Variants in KCNMA1 observed in about 807,000 individuals in gnomAD.
The protein encoded by KCNMA1 is Calcium-activated potassium channel subunit alpha-1.
Under a neutral mutation model 140.0 loss-of-function variants are expected in KCNMA1, and 29 were observed. The observed-to-expected ratio is 0.21, with a 90% confidence interval of 0.15 to 0.28. KCNMA1 has a LOEUF of 0.28. KCNMA1 is among the 10% of genes least tolerant of loss of function. KCNMA1 has a pLI of 1.00. For missense variants in KCNMA1, 880 were observed against 1,602.2 expected, an observed-to-expected ratio of 0.55 and a Z score of 7.70; for synonymous variants, 612 against 611.9, an observed-to-expected ratio of 1.00 and a Z score of 0.00.
chr10:77,496,140 A>T (rs1033605385), intron 1 of KCNMA1, among the ~76,000 whole-genome samples: 3 of 152,068 alleles, frequency 2.0e-5, no homozygotes, highest in African/African-American at 7.2e-5. Context: ...CCACCTGACC[A>T]TACAGCCTGG....
chr10:76,919,047 T>C (rs2054227109), intron 23 of KCNMA1, among the ~76,000 whole-genome samples: 1 of 152,136 alleles, frequency 6.6e-6, no homozygotes. Context: ...CTAAGTGATG[T>C]AACTCAGGAA....
At chr10:77,000,968 C>CT (rs2086222475) in intron 19 of KCNMA1, among the ~76,000 whole-genome samples, 1 of 147,036 alleles carries the variant, frequency 6.8e-6, no homozygotes. Flanking sequence ...TCACTAAAAG[C>CT]AATTCAATGC....
intron 1 of KCNMA1, among the ~76,000 whole-genome samples, chr10:77,575,899 C>T (rs1407491577): frequency 6.6e-6 from 1 of 152,208 alleles, no homozygotes; most frequent in Non-Finnish European, 1.5e-5. Context: ...GGGGGTTGGG[C>T]CTCTGAATTT....
At chr10:77,504,988 C>A (rs1013729768) in intron 1 of KCNMA1, among the ~76,000 whole-genome samples, 1 of 152,140 alleles carries the variant, frequency 6.6e-6, no homozygotes, top group Admixed American at 6.6e-5. Flanking sequence ...ATCCAGGAGA[C>A]TCGGGTCTCC....
intron 1 of KCNMA1, chr10:77,636,424 G>T (rs905842549): frequency 6.5e-7 from 1 of 1,536,056 alleles, no homozygotes; most frequent in Non-Finnish European, 8.7e-7. Context: ...GAGCGCCAGG[G>T]AAGACGCTCC....
At chr10:77,623,514 G>A (rs2091902290) in intron 1 of KCNMA1, among the ~76,000 whole-genome samples, 1 of 151,708 alleles carries the variant, frequency 6.6e-6, no homozygotes, top group African/African-American at 2.4e-5. Context: ...TGGCCAACAC[G>A]GTAAAACCCC....
At chr10:77,015,313 C>CCT (rs1462656452) in intron 17 of KCNMA1, among the ~76,000 whole-genome samples, 1 of 152,076 alleles carries the variant, frequency 6.6e-6, no homozygotes, top group Non-Finnish European at 1.5e-5. Context: ...CACACGACAG[C>CCT]CTCTCTCTCC....
chr10:77,088,836 C>T lies in KCNMA1; in HGVS notation c.1334+1564G>A, dbSNP rs543197897. ...AAGTCATACCTCATTCAGAAGCCTGCCCGGGTAATACCATAGACTGATGCT... is the reference window on the plus strand; with the variant it reads ...AAGTCATACCTCATTCAGAAGCCTGTCCGGGTAATACCATAGACTGATGCT... On this transcript the variant is annotated intron_variant, in intron 10 of 27. Transcript: ENST00000286628. Among the ~76,000 whole-genome samples, 8 of 152,318 alleles carry T rather than the reference C, an allele frequency of 5.3e-5. No homozygotes were observed. In the South Asian group the frequency reaches 1.7e-3, roughly 32 times the overall value.
Position 77,486,739 on chromosome 10 carries a change from C to T in KCNMA1, c.379-82716G>A, listed in dbSNP as rs181877382. On this transcript the variant is annotated intron_variant, in intron 1 of 27. Transcript: ENST00000286628. ...AGAGAAAGTCACAGGGAAGCCAGCC[C>T]TGGCCCCGGGCAAAGCCCAAGGGTT... Among the ~76,000 whole-genome samples the T allele has an allele frequency of 2.0e-5, 3 of 152,340 alleles. No individual in the cohort carries two copies. The East Asian group carries it at 5.8e-4, about 29-fold the overall frequency.
At chr10:76,948,682 T>C (rs913094783) in intron 22 of KCNMA1, among the ~76,000 whole-genome samples, 2 of 152,224 alleles carry the variant, frequency 1.3e-5, no homozygotes, top group African/African-American at 2.4e-5. Flanking sequence ...GTTGGCCTTC[T>C]GTACAGCAGA....
intron 1 of KCNMA1, among the ~76,000 whole-genome samples, chr10:77,507,099 G>T (rs536691133): frequency 5.9e-5 from 9 of 152,256 alleles, no homozygotes; most frequent in African/African-American, 2.2e-4. Flanking sequence ...ATGGGCAGGG[G>T]AAGCAAACTT....
At chr10:77,375,067 G>A (rs1269694298) in intron 2 of KCNMA1, among the ~76,000 whole-genome samples, 1 of 152,094 alleles carries the variant, frequency 6.6e-6, no homozygotes, top group Non-Finnish European at 1.5e-5. Context: ...CAACACCTAA[G>A]TGCTGAGAAA....
intron 3 of KCNMA1, among the ~76,000 whole-genome samples, chr10:77,187,305 C>T (rs911935455): frequency 3.7e-4 from 56 of 152,298 alleles, no homozygotes; most frequent in African/African-American, 1.3e-3. Context: ...GACTTCTCCA[C>T]TGTTTCTTAC....
At chr10:77,180,667 G>T (rs960964831) in intron 5 of KCNMA1, among the ~76,000 whole-genome samples, 3 of 152,096 alleles carry the variant, frequency 2.0e-5, no homozygotes, top group Non-Finnish European at 4.4e-5. Flanking sequence ...AGGGGGATAG[G>T]ACTCTATTTC....
intron 7 of KCNMA1, among the ~76,000 whole-genome samples, chr10:77,111,278 G>A (rs982100655): frequency 1.3e-5 from 2 of 152,326 alleles, no homozygotes; most frequent in South Asian, 2.1e-4. Context: ...GCCTGTAGAC[G>A]GTGGCCCCCA....
intron 2 of KCNMA1, among the ~76,000 whole-genome samples, chr10:77,354,950 G>A (rs1377661963): frequency 2.0e-5 from 3 of 152,196 alleles, no homozygotes; most frequent in South Asian, 2.1e-4. Context: ...CTGAGCATTT[G>A]ATATGGTTTG....
intron 2 of KCNMA1, among the ~76,000 whole-genome samples, chr10:77,251,813 T>C (rs2059720907): frequency 6.6e-6 from 1 of 152,194 alleles, no homozygotes; most frequent in South Asian, 2.1e-4. Flanking sequence ...AGATCCCTCA[T>C]GCCTGTTAAA....
intron 20 of KCNMA1, among the ~76,000 whole-genome samples, chr10:76,959,099 T>C (rs1309162797): frequency 6.6e-6 from 1 of 152,138 alleles, no homozygotes; most frequent in African/African-American, 2.4e-5. Context: ...AACCACCTTC[T>C]CTACCCCACC....
At chr10:77,300,891 C>T (rs2076376335) in intron 2 of KCNMA1, among the ~76,000 whole-genome samples, 1 of 152,158 alleles carries the variant, frequency 6.6e-6, no homozygotes, top group South Asian at 2.1e-4. Context: ...GGTTCTGAGC[C>T]CGAGCTGCTC....
Sources: gnomAD v4.1 joint callset for allele counts (sites outside exome capture counted in the v4.1 genomes callset) on GRCh38, gnomAD v4.1.1 for gene constraint, MANE v1.5 for transcripts, NCBI Gene and HGNC (gene_info 2026-07-23, HGNC 2026-07-21) for gene names.